Variants in PINX1 observed in about 807,000 individuals in gnomAD.
PINX1 encodes PIN2 (TERF1) interacting telomerase inhibitor 1.
Under a neutral mutation model 25.4 loss-of-function variants are expected in PINX1, and 34 were observed. The ratio of observed to expected loss-of-function variants is 1.34; its 90% CI spans 1.02 to 1.78. The LOEUF (loss-of-function observed/expected upper bound fraction) is 1.78, where lower values mean the gene tolerates loss of function less well. Ranked by LOEUF, PINX1 falls within the 40% of genes most tolerant of loss-of-function variation. The pLI is 0.00. For synonymous variants in PINX1, 197 were observed against 147.7 expected, an observed-to-expected ratio of 1.33 and a Z score of -2.42; for missense variants, 592 against 404.9, an observed-to-expected ratio of 1.46 and a Z score of -3.97.
rs1801014823 is a variant in PINX1 at position 10,765,711 on chromosome 8, CT to C, written c.676del (p.Ser226ValfsTer66). ...NKEATGKDVE[S>X]YLQPKAKRHT... is the part of the protein sequence containing the mutation. ...CCTCTTGGCCTTAGGCTGGAGGTAA[CT>C]TTCCACATCTTTACCTGTGGCCTCT... On this transcript the variant is annotated frameshift_variant, in exon 7 of 7. Transcript: ENST00000314787. LOFTEE classifies it low-confidence loss of function (END_TRUNC). 1.2e-6 allele frequency: 2 copies of C among 1,613,914 alleles called. No individual in the cohort carries two copies. The highest frequency in any genetic ancestry group is 2.7e-5 in the African/African-American group (2 of 74,940).
intron 6 of PINX1, among the ~76,000 whole-genome samples, chr8:10,802,297 C>G (rs1243922935): frequency 6.6e-6 from 1 of 152,182 alleles, no homozygotes; most frequent in Non-Finnish European, 1.5e-5. Context: ...AGGAGACAAA[C>G]TTCTGTGACT....
At chr8:10,825,432 A>T (rs766998583) in intron 5 of PINX1, 1 of 534,836 alleles carries the variant, frequency 1.9e-6, no homozygotes, top group South Asian at 1.4e-5. Context: ...TAGGTTTCTA[A>T]TTCATGATAC....
intron 6 of PINX1, among the ~76,000 whole-genome samples, chr8:10,774,376 G>C (rs1392327164): frequency 6.6e-6 from 1 of 152,030 alleles, no homozygotes; most frequent in Non-Finnish European, 1.5e-5. Flanking sequence ...CCGCCTCCAG[G>C]GTTCAAGTGA....
chr8:10,765,450 G>A lies in PINX1; in HGVS notation c.938C>T (p.Thr313Ile). The change falls in exon 7 of 7, where the codon ACA becomes ATA. Residue 313 changes from threonine (T) to isoleucine (I), a missense_variant. Coordinates refer to ENST00000314787, the MANE Select transcript of PINX1 (RefSeq NM_017884.6). ...CTTTTTCACTAGCGTTTCTTCTAGT[G>A]TAGCGTCCTCTGCTATCTCTACTGG... The part of the protein sequence containing the change: ...QKPVEIAEDA[T>I]LEETLVKKKK... The A allele has an allele frequency of 6.2e-7, 1 of 1,612,448 alleles. No individual in the cohort carries two copies. The highest frequency in any genetic ancestry group is 8.5e-7 in the Non-Finnish European group (1 of 1,179,752).
At position 10,834,687 on chromosome 8, in the gene PINX1, C is replaced by T. The variant is rs751716441; in HGVS notation, c.108G>A (p.Lys36=). 6.2e-7 allele frequency: 1 copy of T among 1,613,758 alleles called. No homozygotes were observed. Among genetic ancestry groups the T allele is most frequent in the Admixed American group, 1.7e-5 (1 of 59,996 alleles). ...ATACCTTTCCTTTAGACCACCCCAT[C>T]TTCTCTAGCATCCGCTGGCCAAACT... is the stretch of plus-strand genomic sequence containing the variant. ...DSKFGQRMLE[K]MGWSKGKGLG... is the part of the protein sequence containing the mutation. Residue 36 remains lysine, a synonymous_variant, in exon 2 of 7, where the codon AAG becomes AAA. Coordinates refer to ENST00000314787, the MANE Select transcript of PINX1 (RefSeq NM_017884.6).
At chr8:10,784,157 T>C (rs1182847115) in intron 6 of PINX1, among the ~76,000 whole-genome samples, 1 of 152,234 alleles carries the variant, frequency 6.6e-6, no homozygotes. Context: ...CTTCTGCCTG[T>C]ATAATAACAC....
intron 6 of PINX1, among the ~76,000 whole-genome samples, chr8:10,773,752 G>C (rs1231766518): frequency 6.6e-6 from 1 of 152,158 alleles, no homozygotes; most frequent in African/African-American, 2.4e-5. Flanking sequence ...GTTCTCTATG[G>C]CAACAGCTTC....
intron 6 of PINX1, among the ~76,000 whole-genome samples, chr8:10,795,198 T>A (rs898163678): frequency 3.3e-5 from 5 of 152,116 alleles, no homozygotes; most frequent in African/African-American, 1.2e-4. Context: ...ATTCACCAAA[T>A]CTCCAGGGCT....
At chr8:10,796,247 T>C (rs1279799083) in intron 6 of PINX1, among the ~76,000 whole-genome samples, 1 of 152,122 alleles carries the variant, frequency 6.6e-6, no homozygotes, top group Admixed American at 6.5e-5. Context: ...ACAGGGCAGC[T>C]TGGGGGAAAA....
chr8:10,832,831 A>G, intron 3 of PINX1, 61 bp downstream of exon 3: 1 of 934,554 alleles, frequency 1.1e-6, no homozygotes, highest in Non-Finnish European at 1.7e-6. Flanking sequence ...ATCAACTTTC[A>G]GATTTACAAG....
At chr8:10,802,778 G>A (rs1802310433) in intron 6 of PINX1, among the ~76,000 whole-genome samples, 1 of 152,194 alleles carries the variant, frequency 6.6e-6, no homozygotes, top group African/African-American at 2.4e-5. Flanking sequence ...TCTGCTCAGA[G>A]GACTGGGGAA....
In PINX1 at chr8:10,776,408, G is replaced by C. The variant is rs1309900971; in HGVS notation, c.472-10492C>G. Among the ~76,000 whole-genome samples, 78 of 150,568 alleles carry C rather than the reference G, an allele frequency of 5.2e-4. 2 individuals are homozygous for C. Among genetic ancestry groups the C allele is most frequent in the Admixed American group, 5.1e-3 (77 of 15,020 alleles). ...CCACTGCACTCCGGCCTGGGTAACAGAGTGAGACTCCGCTCAATAAATAAA... is the reference window on the plus strand; with the variant it reads ...CCACTGCACTCCGGCCTGGGTAACACAGTGAGACTCCGCTCAATAAATAAA... On this transcript the variant is annotated intron_variant, in intron 6 of 6. Transcript: ENST00000314787.
chr8:10,802,758 G>C (rs1193715392), intron 6 of PINX1, among the ~76,000 whole-genome samples: 1 of 152,174 alleles, frequency 6.6e-6, no homozygotes, highest in Non-Finnish European at 1.5e-5. Context: ...CAGGGTGGGG[G>C]ATGGGGTGCT....
intron 6 of PINX1, among the ~76,000 whole-genome samples, chr8:10,811,256 G>A (rs1369661206): frequency 6.6e-6 from 1 of 152,172 alleles, no homozygotes; most frequent in Non-Finnish European, 1.5e-5. Context: ...TCAAATGCAG[G>A]CATATGAAAC....
intron 5 of PINX1, among the ~76,000 whole-genome samples, chr8:10,821,397 T>A (rs894269284): frequency 2.6e-5 from 4 of 152,218 alleles, no homozygotes; most frequent in Non-Finnish European, 4.4e-5. Context: ...CAGTACCAGA[T>A]GAAGTGGCCC....
At chr8:10,812,066 A>C (rs1248649407) in intron 6 of PINX1, among the ~76,000 whole-genome samples, 1 of 152,134 alleles carries the variant, frequency 6.6e-6, no homozygotes, top group Non-Finnish European at 1.5e-5. Context: ...GGAACACCCT[A>C]CCCAAGGTGA....
At chr8:10,822,190 G>C (rs1163155150) in intron 5 of PINX1, 5 of 152,160 alleles carry the variant, frequency 3.3e-5, no homozygotes, top group Non-Finnish European at 7.3e-5. Context: ...ATAAAAGGTG[G>C]ACAAAAAGGT....
intron 6 of PINX1, among the ~76,000 whole-genome samples, chr8:10,784,898 G>C (rs927355279): frequency 1.2e-4 from 19 of 152,300 alleles, no homozygotes; most frequent in African/African-American, 4.6e-4. Context: ...TTTCAGCCTC[G>C]TGCTCTTTGG....
rs1285760365 is a variant in PINX1, at chr8:10,834,777, T to C, written c.20-2A>G. ...CAGCCCACTTCTGCTTCCGCCGACC[T>C]GTAAATGAAAAAGCATTATCATCAG... On this transcript the variant is annotated splice_acceptor_variant, in intron 1 of 6. Coordinates refer to ENST00000314787, the MANE Select transcript of PINX1 (RefSeq NM_017884.6). LOFTEE classifies it high-confidence loss of function. The C allele has an allele frequency of 1.2e-6, 2 of 1,607,854 alleles. No individual in the cohort carries two copies. The highest frequency in any genetic ancestry group is 1.7e-6 in the Non-Finnish European group (2 of 1,176,122).
Sources: gnomAD v4.1 joint callset for allele counts (sites outside exome capture counted in the v4.1 genomes callset) on GRCh38, gnomAD v4.1.1 for gene constraint, MANE v1.5 for transcripts, NCBI Gene and HGNC (gene_info 2026-07-23, HGNC 2026-07-21) for gene names.